The following SCML4 variants were observed in gnomAD, a reference collection of about 807,000 sequenced individuals.
SCML4 encodes Scm polycomb group protein like 4.
A neutral mutation model predicts 41.1 loss-of-function variants in SCML4; 34 were observed. That is an observed-to-expected ratio of 0.83 (90% CI 0.63 to 1.10). The LOEUF (loss-of-function observed/expected upper bound fraction) is 1.10, where lower values mean the gene tolerates loss of function less well. Ranked by LOEUF, SCML4 falls within the 50% of genes least tolerant of loss-of-function variation. SCML4 has a pLI of 0.00. For missense variants in SCML4, 522 were observed against 534.1 expected, an observed-to-expected ratio of 0.98 and a Z score of 0.22; for synonymous variants, 214 against 220.9, an observed-to-expected ratio of 0.97 and a Z score of 0.28.
intron 1 of SCML4, among the ~76,000 whole-genome samples, chr6:107,789,328 T>C (rs1190256692): frequency 6.6e-6 from 1 of 152,172 alleles, no homozygotes; most frequent in Non-Finnish European, 1.5e-5. Flanking sequence ...CCTTGGATGT[T>C]TGTGGGTAGA....
chr6:107,747,145 A>C (rs939509653), intron 3 of SCML4, among the ~76,000 whole-genome samples: 1 of 152,216 alleles, frequency 6.6e-6, no homozygotes, highest in Non-Finnish European at 1.5e-5. Context: ...GTCCACTCTG[A>C]TCTACTGAAA....
chr6:107,768,396 T>C (rs1184816401), intron 2 of SCML4, among the ~76,000 whole-genome samples: 10 of 152,232 alleles, frequency 6.6e-5, no homozygotes, highest in Middle Eastern at 3.2e-3. Flanking sequence ...AATGACACAA[T>C]TACCAACATT....
chr6:107,785,493 C>G (rs9486691), intron 1 of SCML4, among the ~76,000 whole-genome samples: 4 of 152,196 alleles, frequency 2.6e-5, no homozygotes, highest in Admixed American at 6.5e-5. Flanking sequence ...CTAGTGACAG[C>G]CTCCTGGGTG....
At chr6:107,705,829 A>C (rs1320217256) in intron 7 of SCML4, among the ~76,000 whole-genome samples, 1 of 152,124 alleles carries the variant, frequency 6.6e-6, no homozygotes, top group African/African-American at 2.4e-5. Context: ...TGTCTATTCC[A>C]CTAGATGGAA....
intron 2 of SCML4, among the ~76,000 whole-genome samples, chr6:107,759,150 A>AC (rs1779355646): frequency 6.6e-6 from 1 of 150,836 alleles, no homozygotes; most frequent in Non-Finnish European, 1.5e-5. Flanking sequence ...AAAAAAAAAA[A>AC]AAAACCTGAA....
chr6:107,705,421 G>T, intron 7 of SCML4, 96 bp from the exon 8 acceptor site: 1 of 1,140,756 alleles, frequency 8.8e-7, no homozygotes. Flanking sequence ...GGTGTGCTCA[G>T]GGCATATGGA....
At chr6:107,747,590 A>C (rs867518886) in intron 3 of SCML4, among the ~76,000 whole-genome samples, 6 of 149,230 alleles carry the variant, frequency 4.0e-5, no homozygotes, top group African/African-American at 1.5e-4. Flanking sequence ...AATTTATATA[A>C]TATAATATTA....
At chr6:107,807,889 T>G (rs1330897087) in intron 1 of SCML4, among the ~76,000 whole-genome samples, 3 of 152,260 alleles carry the variant, frequency 2.0e-5, no homozygotes, top group African/African-American at 4.8e-5. Flanking sequence ...TTGTTGCCAC[T>G]GCTTTTATTT....
chr6:107,738,223 A>G (rs1484106706), intron 5 of SCML4, among the ~76,000 whole-genome samples: 1 of 152,246 alleles, frequency 6.6e-6, no homozygotes, highest in Non-Finnish European at 1.5e-5. Flanking sequence ...AACCACCTTC[A>G]GATGTCAGCT....
chr6:107,839,221 A>G, the SCML4 span, among the ~76,000 whole-genome samples: 2 of 151,712 alleles, frequency 1.3e-5, no homozygotes, highest in Non-Finnish European at 2.9e-5. Context: ...TGAGCCCTGG[A>G]AGACTGAGGC....
chr6:107,716,184 C>T (rs562138307), intron 6 of SCML4, among the ~76,000 whole-genome samples: 1 of 152,288 alleles, frequency 6.6e-6, no homozygotes, highest in South Asian at 2.1e-4. Flanking sequence ...TATAGAACCC[C>T]ACTCTGCAAA....
the SCML4 span, among the ~76,000 whole-genome samples, chr6:107,837,316 A>T: frequency 2.0e-5 from 3 of 152,182 alleles, no homozygotes; most frequent in Admixed American, 1.3e-4. Context: ...TGAACAAGGG[A>T]GTAGCCTTAC....
chr6:107,734,230 G>A (rs1335156812), intron 5 of SCML4, among the ~76,000 whole-genome samples: 3 of 152,196 alleles, frequency 2.0e-5, no homozygotes, highest in East Asian at 1.9e-4. Flanking sequence ...CAAGTCTCAG[G>A]TGCTGGCATC....
intron 5 of SCML4, among the ~76,000 whole-genome samples, chr6:107,735,926 A>T (rs1294309758): frequency 6.6e-6 from 1 of 151,934 alleles, no homozygotes; most frequent in Non-Finnish European, 1.5e-5. Flanking sequence ...TAAAACTGAA[A>T]CTCTATACCC....
chr6:107,753,004 T>C (rs1480585887), intron 2 of SCML4, among the ~76,000 whole-genome samples: 1 of 152,170 alleles, frequency 6.6e-6, no homozygotes, highest in Non-Finnish European at 1.5e-5. Context: ...AACTCCTCTT[T>C]CAAGGAGTTT....
chr6:107,770,974 C>T (rs191897928), intron 2 of SCML4, among the ~76,000 whole-genome samples: 52 of 152,266 alleles, frequency 3.4e-4, no homozygotes, highest in African/African-American at 1.1e-3. Flanking sequence ...ACTGGCCCTA[C>T]GCCAGCTTAA....
rs1478355955 is a variant in SCML4 at position 107,720,952 on chromosome 6, C to A, written c.724G>T (p.Gly242Cys). 2 of 1,613,478 alleles carry A rather than the reference C, an allele frequency of 1.2e-6. No homozygotes were observed. The highest frequency in any genetic ancestry group is 1.7e-5 in the Admixed American group (1 of 59,952). ...GTGTCCACGCTGTAGCGGTTCATGC[C>A]CACAGGGTTCACCAGGTACTCTTCG... ...TTEEYLVNPV[G>C]MNRYSVDTSA... The change falls in exon 6 of 8, where the codon GGC becomes TGC. Residue 242 changes from glycine to cysteine, a missense_variant. By Grantham distance (159) the Gly-to-Cys change is radical. Transcript: ENST00000369020.
intron 5 of SCML4, among the ~76,000 whole-genome samples, chr6:107,724,413 G>T (rs761399485): frequency 2.0e-4 from 31 of 152,234 alleles, no homozygotes; most frequent in Non-Finnish European, 3.8e-4. Flanking sequence ...AAGACTGTTG[G>T]AACTAGTAAG....
chr6:107,778,947 G>A (rs1226625857), intron 1 of SCML4, among the ~76,000 whole-genome samples: 2 of 152,136 alleles, frequency 1.3e-5, no homozygotes, highest in East Asian at 1.9e-4. Context: ...TTGGGAGGCC[G>A]AGGCGGGCGG....
Sources: allele counts gnomAD v4.1 joint callset (sites outside exome capture counted in the v4.1 genomes callset), GRCh38; gene constraint gnomAD v4.1.1; transcripts MANE v1.5; gene names NCBI Gene and HGNC (gene_info 2026-07-23, HGNC 2026-07-21).